The following PPP2R5A variants were observed in gnomAD, a reference collection of about 807,000 sequenced individuals.
PPP2R5A encodes the protein protein phosphatase 2 regulatory subunit B'alpha, also known as serine/threonine-protein phosphatase 2A 56 kDa regulatory subunit alpha isoform.
In PPP2R5A, 25 loss-of-function variants were observed where a neutral mutation model predicts 64.2. The observed-to-expected ratio is 0.39, with a 90% CI of 0.28 to 0.54. The LOEUF is 0.54. Ranked by LOEUF, PPP2R5A falls within the 20% of genes least tolerant of loss-of-function variation. PPP2R5A has a pLI of 0.67. For synonymous variants in PPP2R5A, 198 were observed against 201.2 expected (o/e 0.98, Z 0.13); for missense variants, 425 against 576.3 (o/e 0.74, Z 2.69).
intron 1 of PPP2R5A, among the ~76,000 whole-genome samples, chr1:212,317,501 T>C (rs1446036316): frequency 6.6e-6 from 1 of 152,222 alleles, no homozygotes; most frequent in African/African-American, 2.4e-5. Context: ...TCGTTTTCAC[T>C]GCAGACTATA....
At chr1:212,286,911 GT>G (rs1480462851) in intron 1 of PPP2R5A, among the ~76,000 whole-genome samples, 1 of 152,176 alleles carries the variant, frequency 6.6e-6, no homozygotes, top group East Asian at 1.9e-4. Flanking sequence ...TCACAGGATC[GT>G]TAGCTTTAAA....
At chr1:212,358,437 G>T in intron 11 of PPP2R5A, 1 of 251,630 alleles carries the variant, frequency 4.0e-6, no homozygotes, top group Non-Finnish European at 7.6e-6. Flanking sequence ...TAACTATAGT[G>T]AACATTTTTA....
chr1:212,348,560 G>A (rs1659823423), intron 7 of PPP2R5A, 63 bp downstream of exon 7: 2 of 1,141,462 alleles, frequency 1.8e-6, no homozygotes, highest in Admixed American at 2.4e-5. Context: ...TAAAGGCAGA[G>A]AAATTGAGAA....
At chr1:212,328,431 A>T (rs746546156) in intron 1 of PPP2R5A, among the ~76,000 whole-genome samples, 1 of 152,238 alleles carries the variant, frequency 6.6e-6, no homozygotes, top group Non-Finnish European at 1.5e-5. Context: ...AACATTGTGT[A>T]ATCTTCAGGG....
chr1:212,312,186 C>T (rs560037230), intron 1 of PPP2R5A, among the ~76,000 whole-genome samples: 2 of 152,160 alleles, frequency 1.3e-5, no homozygotes, highest in Admixed American at 1.3e-4. Flanking sequence ...AGCATGCTGA[C>T]AGTTTTGTAG....
intron 8 of PPP2R5A, among the ~76,000 whole-genome samples, chr1:212,353,759 TAATTC>T (rs1659927725): frequency 6.6e-6 from 1 of 152,210 alleles, no homozygotes; most frequent in Non-Finnish European, 1.5e-5. Context: ...TTCCAAAAAA[TAATTC>T]AATTGGCATT....
At chr1:212,326,551 C>G (rs932782350) in intron 1 of PPP2R5A, among the ~76,000 whole-genome samples, 1 of 152,018 alleles carries the variant, frequency 6.6e-6, no homozygotes, top group African/African-American at 2.4e-5. Context: ...GAGCCAAGAT[C>G]GCGCCACCAC....
intron 8 of PPP2R5A, among the ~76,000 whole-genome samples, chr1:212,349,469 A>G (rs1659838582): frequency 6.6e-6 from 1 of 152,192 alleles, no homozygotes; most frequent in African/African-American, 2.4e-5. Context: ...ATTAATATGT[A>G]GTAGTTAAGA....
At chr1:212,291,561 C>A (rs559482286) in intron 1 of PPP2R5A, among the ~76,000 whole-genome samples, 3 of 152,312 alleles carry the variant, frequency 2.0e-5, no homozygotes, top group African/African-American at 7.2e-5. Context: ...CATTGTCTGT[C>A]TATTGATTTA....
intron 1 of PPP2R5A, among the ~76,000 whole-genome samples, chr1:212,296,162 G>A (rs528442196): frequency 5.2e-4 from 79 of 152,102 alleles, no homozygotes; most frequent in Admixed American, 1.0e-3. Context: ...TGACTCTCAC[G>A]TGCTTTAGCT....
intron 12 of PPP2R5A, among the ~76,000 whole-genome samples, chr1:212,359,545 A>G (rs1452702382): frequency 6.6e-6 from 1 of 152,238 alleles, no homozygotes; most frequent in African/African-American, 2.4e-5. Context: ...TTCAAACTCA[A>G]GAAGCACTTT....
intron 12 of PPP2R5A, among the ~76,000 whole-genome samples, chr1:212,360,060 TAGAACTGA>T (rs1660052341): frequency 6.6e-6 from 1 of 152,234 alleles, no homozygotes; most frequent in Non-Finnish European, 1.5e-5. Context: ...ATGTTTTCCT[TAGAACTGA>T]AATTAATTAG....
rs563758628 is a variant in PPP2R5A, at chr1:212,313,142, G to A, written c.182-15993G>A. Among the ~76,000 whole-genome samples, 5 of 152,272 alleles carry A rather than the reference G, an allele frequency of 3.3e-5. No individual in the cohort carries two copies. In the East Asian group the frequency reaches 7.7e-4, roughly 23 times the overall value. ...TTTTCCTGTGCTTTCTCTCTCTGGA[G>A]AGCCCTAGCAGATAGGGAGCTGGTG... On this transcript the variant is annotated intron_variant, in intron 1 of 12. Transcript: ENST00000261461.
chr1:212,337,053 T>C (rs1659603287), intron 3 of PPP2R5A, among the ~76,000 whole-genome samples: 1 of 152,274 alleles, frequency 6.6e-6, no homozygotes, highest in East Asian at 1.9e-4. Flanking sequence ...GAAATACTAA[T>C]GAGCAATGGA....
At chr1:212,333,406 T>C in intron 2 of PPP2R5A, 91 bp from the exon 3 acceptor site, 1 of 779,506 alleles carries the variant, frequency 1.3e-6, no homozygotes, top group East Asian at 3.0e-5. Context: ...TATAACTTTT[T>C]TCTGAAAGTG....
At chr1:212,335,717 G>T (rs2102436817) in intron 3 of PPP2R5A, among the ~76,000 whole-genome samples, 1 of 152,244 alleles carries the variant, frequency 6.6e-6, no homozygotes, top group Non-Finnish European at 1.5e-5. Flanking sequence ...TTTTTTAATA[G>T]AACTGTACAC....
chr1:212,315,947 A>G (rs1432034236), intron 1 of PPP2R5A, among the ~76,000 whole-genome samples: 1 of 152,176 alleles, frequency 6.6e-6, no homozygotes, highest in African/African-American at 2.4e-5. Flanking sequence ...GTTTTGGGGC[A>G]TCATGAACCA....
intron 1 of PPP2R5A, chr1:212,319,259 T>A (rs1457156165): frequency 6.6e-6 from 1 of 152,244 alleles, no homozygotes; most frequent in Admixed American, 6.5e-5. Flanking sequence ...TAGTTGCTGA[T>A]GATGCAGTGC....
At chr1:212,349,106 TA>T (rs1659832976) in intron 7 of PPP2R5A, 82 bp from the exon 8 acceptor site, 5 of 924,004 alleles carry the variant, frequency 5.4e-6, no homozygotes, top group African/African-American at 3.4e-5. Flanking sequence ...TGAGGTAGTC[TA>T]AAAAATATTG....
Sources: gnomAD v4.1 joint callset for allele counts (sites outside exome capture counted in the v4.1 genomes callset) on GRCh38, gnomAD v4.1.1 for gene constraint, MANE v1.5 for transcripts, NCBI Gene and HGNC (gene_info 2026-07-23, HGNC 2026-07-21) for gene names.